Variants in GSTCD observed in about 807,000 individuals in gnomAD.
The protein encoded by GSTCD is glutathione S-transferase C-terminal domain-containing protein.
Under a neutral mutation model 68.3 loss-of-function variants are expected in GSTCD, and 44 were observed. That is an observed-to-expected ratio of 0.64 (90% CI 0.51 to 0.83). The LOEUF is 0.83. Ranked by LOEUF, GSTCD falls within the 40% of genes least tolerant of loss-of-function variation. The probability of loss-of-function intolerance (pLI) is 0.00; values close to 1 mark genes in which losing one functional copy is unlikely to be tolerated. For synonymous variants in GSTCD, 273 were observed against 255.2 expected (o/e 1.07, Z -0.67); for missense variants, 739 against 735.9 (o/e 1.00, Z -0.05).
intron 5 of GSTCD, among the ~76,000 whole-genome samples, chr4:105,764,074 A>T (rs941834508): frequency 6.6e-6 from 1 of 152,140 alleles, no homozygotes; most frequent in Non-Finnish European, 1.5e-5. Flanking sequence ...GGTGGCTATA[A>T]TTAAAAAAAT....
chr4:105,818,246 A>G (rs1291694494), intron 5 of GSTCD, among the ~76,000 whole-genome samples: 1 of 151,860 alleles, frequency 6.6e-6, no homozygotes. Flanking sequence ...TTGGGTAGTA[A>G]CAAAGAGCTT....
intron 2 of GSTCD, among the ~76,000 whole-genome samples, chr4:105,718,403 C>G (rs1335923442): frequency 3.3e-5 from 5 of 152,148 alleles, no homozygotes; most frequent in African/African-American, 1.2e-4. Flanking sequence ...CTTGCTCTCT[C>G]TTGCACCCTC....
chr4:105,779,980 TC>T (rs1207765640), intron 5 of GSTCD, among the ~76,000 whole-genome samples: 4 of 152,212 alleles, frequency 2.6e-5, no homozygotes, highest in Non-Finnish European at 5.9e-5. Flanking sequence ...TTTCTTATTT[TC>T]CCCTCAAGAG....
At chr4:105,730,290 T>G (rs963769589) in intron 5 of GSTCD, among the ~76,000 whole-genome samples, 1 of 152,240 alleles carries the variant, frequency 6.6e-6, no homozygotes, top group African/African-American at 2.4e-5. Flanking sequence ...ATGGTATTTC[T>G]AGTTCTAGCT....
chr4:105,709,451 A>G (rs1373579615), intron 1 of GSTCD, among the ~76,000 whole-genome samples: 3 of 152,300 alleles, frequency 2.0e-5, no homozygotes, highest in South Asian at 2.1e-4. Context: ...AAGCAGTTCT[A>G]TGTGAATACT....
chr4:105,811,758 A>G (rs1375801827), intron 5 of GSTCD, among the ~76,000 whole-genome samples: 1 of 152,184 alleles, frequency 6.6e-6, no homozygotes, highest in Admixed American at 6.5e-5. Context: ...GGGAAATAGC[A>G]TGAACACATT....
intron 5 of GSTCD, among the ~76,000 whole-genome samples, chr4:105,789,012 C>T (rs1050232247): frequency 1.3e-5 from 2 of 151,986 alleles, no homozygotes; most frequent in African/African-American, 4.8e-5. Flanking sequence ...GACGTGTCTT[C>T]AAGGGGAAGT....
In GSTCD at chr4:105,837,894, C is replaced by A; in HGVS notation, c.1695+5C>A. On this transcript the variant is annotated splice_donor_5th_base_variant and intron_variant, in intron 10 of 11. Transcript: ENST00000515279. ...AAGAAAACTTTATCATACAAGGTAA[C>A]CTTAAAAAGATCTAGATATCATCCT... 2 of 1,085,558 alleles carry A rather than the reference C, an allele frequency of 1.8e-6. No homozygotes were observed. Among genetic ancestry groups the A allele is most frequent in the Non-Finnish European group, 2.7e-6 (2 of 747,528 alleles). The allele number at this position is 1,085,558 out of a possible 1,614,324, so 67.2% of individuals were successfully genotyped here. A position where few individuals can be genotyped will look rare whatever the true frequency, so the allele number is the denominator to read the frequency against.
At position 105,719,202 on chromosome 4, in the gene GSTCD, A is replaced by G. The variant is rs765114470; in HGVS notation, c.569A>G (p.His190Arg). Residue 190 changes from histidine (H) to arginine (R), a missense_variant, in exon 3 of 12, where the codon CAT (histidine) becomes CGT (arginine). Transcript: ENST00000515279. ...EKKLSEPVRV[H>R]NDDKLRRQKL... ...AAGCTTAGTGAGCCTGTTAGAGTGC[A>G]TAATGATGATAAACTCCGCAGGCAG... is the stretch of plus-strand genomic sequence containing the variant. The G allele has an allele frequency of 9.3e-6, 15 of 1,614,138 alleles. No individual in the cohort carries two copies. The highest frequency in any genetic ancestry group is 1.3e-5 in the Non-Finnish European group (15 of 1,180,010).
intron 5 of GSTCD, among the ~76,000 whole-genome samples, chr4:105,756,495 T>TACACACACACACACACACACAC (rs3055931): frequency 3.6e-5 from 5 of 139,432 alleles, no homozygotes; most frequent in African/African-American, 1.1e-4. Flanking sequence ...CCTATGCACA[T>TACACACACACACACACACACAC]ACACACACAC....
chr4:105,715,934 C>G (rs987990847), intron 1 of GSTCD, among the ~76,000 whole-genome samples: 1 of 151,638 alleles, frequency 6.6e-6, no homozygotes. Flanking sequence ...ATTTTTGACC[C>G]GGGAAATGTA....
chr4:105,741,567 C>A (rs1409293976), intron 5 of GSTCD, among the ~76,000 whole-genome samples: 1 of 152,140 alleles, frequency 6.6e-6, no homozygotes, highest in Non-Finnish European at 1.5e-5. Flanking sequence ...TTTGCTTTAT[C>A]CATAATTCAT....
intron 5 of GSTCD, among the ~76,000 whole-genome samples, chr4:105,742,989 G>A (rs971963164): frequency 1.0e-4 from 15 of 142,878 alleles, no homozygotes; most frequent in Admixed American, 1.0e-3. Flanking sequence ...TTGCTCTGTT[G>A]CCCAGGCTAG....
intron 5 of GSTCD, among the ~76,000 whole-genome samples, chr4:105,796,889 C>T (rs1735908579): frequency 6.6e-6 from 1 of 152,102 alleles, no homozygotes; most frequent in Non-Finnish European, 1.5e-5. Flanking sequence ...ATATGACATA[C>T]AGTCACTTCT....
intron 5 of GSTCD, among the ~76,000 whole-genome samples, chr4:105,759,344 A>G (rs1349870571): frequency 6.6e-6 from 1 of 151,394 alleles, no homozygotes; most frequent in African/African-American, 2.5e-5. Flanking sequence ...AGAATAACCT[A>G]CATCTAGGAG....
At chr4:105,751,434 A>G (rs1192888912) in intron 5 of GSTCD, among the ~76,000 whole-genome samples, 2 of 152,312 alleles carry the variant, frequency 1.3e-5, no homozygotes, top group African/African-American at 4.8e-5. Context: ...ACATCTGAAT[A>G]TATTTTCTTT....
intron 5 of GSTCD, among the ~76,000 whole-genome samples, chr4:105,743,681 T>C (rs914720857): frequency 6.3e-5 from 8 of 126,792 alleles, no homozygotes; most frequent in Admixed American, 4.0e-4. Flanking sequence ...TTTTTTTTTA[T>C]GGAGTCTGGC....
chr4:105,713,673 C>T (rs1732603177), intron 1 of GSTCD, among the ~76,000 whole-genome samples: 1 of 151,858 alleles, frequency 6.6e-6, no homozygotes, highest in African/African-American at 2.4e-5. Context: ...AGTAGGTGGA[C>T]AATAAAATGT....
chr4:105,844,466 C>T (rs1447856996), intron 11 of GSTCD, among the ~76,000 whole-genome samples: 2 of 152,118 alleles, frequency 1.3e-5, no homozygotes, highest in African/African-American at 4.8e-5. Flanking sequence ...CTACTGATTT[C>T]ACCTTCCACT....
Sources: allele counts gnomAD v4.1 joint callset (sites outside exome capture counted in the v4.1 genomes callset), GRCh38; gene constraint gnomAD v4.1.1; transcripts MANE v1.5; gene names NCBI Gene and HGNC (gene_info 2026-07-23, HGNC 2026-07-21).